Variants in TMEM63C observed in about 807,000 individuals in gnomAD.
TMEM63C encodes osmosensitive cation channel TMEM63C.
Under a neutral mutation model 99.2 loss-of-function variants are expected in TMEM63C, and 32 were observed. The observed-to-expected ratio is 0.32, with a 90% confidence interval of 0.24 to 0.43. The LOEUF is 0.43. TMEM63C is among the 20% of genes least tolerant of loss of function. TMEM63C has a pLI of 1.00. For missense variants in TMEM63C, 826 were observed against 1,053.0 expected (o/e 0.78, Z 2.98); for synonymous variants, 376 against 397.9 (o/e 0.94, Z 0.66).
chr14:77,248,493 G>T lies in TMEM63C; in HGVS notation c.1748G>T (p.Arg583Ile). 6.3e-7 allele frequency: 1 copy of T among 1,588,296 alleles called. No individual in the cohort carries two copies. Among genetic ancestry groups the T allele is most frequent in the Non-Finnish European group, 8.6e-7 (1 of 1,167,412 alleles). The change falls in exon 19 of 24, where the codon AGA (arginine) becomes ATA (isoleucine). Residue 583 changes from arginine (R) to isoleucine (I), a missense_variant. Physicochemically the swap from Arg to Ile is moderately conservative, Grantham distance 97 (BLOSUM62 -3). Coordinates refer to ENST00000298351, the MANE Select transcript of TMEM63C (RefSeq NM_020431.4). The stretch of plus-strand genomic sequence containing the variant: ...TTCTTCTCTAGATCAGAGCCAGAGA[G>T]AGTCAACATCAGAAAGGTACAGACT... ...RLFFSRSEPERVNIRKNQAID... is the reference protein window; with the variant it reads ...RLFFSRSEPEIVNIRKNQAID...
chr14:77,218,702 G>C (rs1048358901), intron 2 of TMEM63C, 99 bp from the exon 3 acceptor site: 4 of 1,300,970 alleles, frequency 3.1e-6, no homozygotes, highest in Non-Finnish European at 4.3e-6. Context: ...GCCTGGCCGA[G>C]GCACTCGGTG....
chr14:77,203,174 T>TA lies in TMEM63C; in HGVS notation c.-76-10271dup, dbSNP rs1292778344. Among the ~76,000 whole-genome samples, 6 of 151,956 alleles carry TA rather than the reference T, an allele frequency of 3.9e-5. No individual in the cohort carries two copies. The East Asian group carries it at 5.8e-4, about 15-fold the overall frequency. On this transcript the variant is annotated intron_variant, in intron 1 of 23. Coordinates refer to ENST00000298351, the MANE Select transcript of TMEM63C (RefSeq NM_020431.4). ...GGGTGAATCACCTGAGGTCAGGAGTTAGAGACCAGCCCGGCCAACATAGTG... is the reference window on the plus strand; with the variant it reads ...GGGTGAATCACCTGAGGTCAGGAGTTAAGAGACCAGCCCGGCCAACATAGTG...
intron 1 of TMEM63C, among the ~76,000 whole-genome samples, chr14:77,212,670 G>A (rs1408619089): frequency 6.6e-6 from 1 of 152,234 alleles, no homozygotes; most frequent in African/African-American, 2.4e-5. Flanking sequence ...CATGGCAACA[G>A]CCTCCCTCAT....
chr14:77,199,118 C>A (rs748384924), intron 1 of TMEM63C, among the ~76,000 whole-genome samples: 1 of 152,070 alleles, frequency 6.6e-6, no homozygotes, highest in Non-Finnish European at 1.5e-5. Flanking sequence ...ATCAGGGGTG[C>A]CGGAGGAGCT....
chr14:77,200,742 C>G (rs1392351500), intron 1 of TMEM63C, among the ~76,000 whole-genome samples: 7 of 152,210 alleles, frequency 4.6e-5, no homozygotes, highest in Non-Finnish European at 1.0e-4. Flanking sequence ...TTTATGCATG[C>G]CCAGGTCTCC....
intron 1 of TMEM63C, among the ~76,000 whole-genome samples, chr14:77,202,860 CACACACGCACACACA>C (rs1213900411): frequency 1.8e-4 from 14 of 79,000 alleles, no homozygotes; most frequent in East Asian, 1.1e-3. Context: ...CACACACACA[CACACACGCACACACA>C]CCCCTCTACC....
At chr14:77,255,216 T>G (rs1364017529) in intron 23 of TMEM63C, among the ~76,000 whole-genome samples, 1 of 152,190 alleles carries the variant, frequency 6.6e-6, no homozygotes, top group African/African-American at 2.4e-5. Context: ...GTCTCGAACT[T>G]CTGACCTCAG....
chr14:77,182,227 G>A (rs971999615), intron 1 of TMEM63C, among the ~76,000 whole-genome samples: 5 of 152,118 alleles, frequency 3.3e-5, no homozygotes, highest in Non-Finnish European at 7.4e-5. Flanking sequence ...TGACAGCCAG[G>A]TGGGAGTTAC....
chr14:77,219,760 G>T (rs1264297613), intron 4 of TMEM63C, among the ~76,000 whole-genome samples, 183 bp downstream of exon 4: 2 of 152,208 alleles, frequency 1.3e-5, no homozygotes, highest in Non-Finnish European at 2.9e-5. Context: ...TGGGCACAAG[G>T]CCGTGTTTTT....
At chr14:77,229,632 A>AT (rs59641845) in intron 6 of TMEM63C, among the ~76,000 whole-genome samples, 3 of 144,164 alleles carry the variant, frequency 2.1e-5, no homozygotes, top group East Asian at 4.4e-4. Flanking sequence ...ATATATATAT[A>AT]GTAGAGATGG....
At position 77,237,517 on chromosome 14, in the gene TMEM63C, CA is replaced by C. The variant is rs573098806; in HGVS notation, c.651+786del. ...TTACCCCTGTGGGCAAGTGGAGCTT[CA>C]TGACCAGGGAACTCTGGGAGCTGGT... On this transcript the variant is annotated intron_variant, in intron 9 of 23. Transcript: ENST00000298351. Among the ~76,000 whole-genome samples the C allele has an allele frequency of 7.9e-5, 12 of 152,332 alleles. 1 individual carries two copies. The highest frequency in any genetic ancestry group is 2.6e-4 in the African/African-American group (11 of 41,580).
chr14:77,225,329 G>T lies in TMEM63C; in HGVS notation c.313-95G>T, dbSNP rs113553327. ...GGAAGGAGGCCCCGGACGCTGCCGC[G>T]GCTGCCTCAGATGACCTGGCCGCCT... On this transcript the variant is annotated intron_variant, in intron 5 of 23. Coordinates refer to ENST00000298351, the MANE Select transcript of TMEM63C (RefSeq NM_020431.4). 2.6e-5 allele frequency: 31 copies of T among 1,174,238 alleles called. No homozygotes were observed. In the African/African-American group the frequency reaches 3.7e-4, roughly 14 times the overall value. The allele number at this position is 1,174,238 out of a possible 1,614,324, so 72.7% of individuals were successfully genotyped here.
rs1443743355 is a variant in TMEM63C, at chr14:77,259,351, A to G, written c.*2625A>G. On this transcript the variant is annotated 3_prime_UTR_variant, in exon 24 of 24. Coordinates refer to ENST00000298351, the MANE Select transcript of TMEM63C (RefSeq NM_020431.4). ...CCCTGGAAGCAAAGTGCCTATCAGC[A>G]GCGTTGCGTCCTCTGGGGCCCCCGG... The G allele has an allele frequency of 1.3e-5, 2 of 152,692 alleles. No homozygotes were observed. The highest frequency in any genetic ancestry group is 4.8e-5 in the African/African-American group (2 of 41,458). 9.5% of individuals were successfully genotyped at this position (152,692 alleles called of 1,614,324 possible). A position where few individuals can be genotyped will look rare whatever the true frequency, so the allele number is the denominator to read the frequency against.
In TMEM63C at chr14:77,238,758, A is replaced by T; in HGVS notation, c.716A>T (p.Lys239Met). ...ATTGAAGACCCAGAACTCATCATTA[A>T]GCATTTTCAGTAAGTGGGTTGGGGT... ...KDIEDPELII[K>M]HFHEAYPGSV... The change falls in exon 10 of 24, where the codon AAG becomes ATG. Residue 239 changes from lysine to methionine, a missense_variant. Transcript: ENST00000298351. The T allele has an allele frequency of 6.2e-7, 1 of 1,613,796 alleles. No homozygotes were observed. The highest frequency in any genetic ancestry group is 8.5e-7 in the Non-Finnish European group (1 of 1,179,676).
At chr14:77,185,419 C>T (rs566141128) in intron 1 of TMEM63C, among the ~76,000 whole-genome samples, 138 of 152,340 alleles carry the variant, frequency 9.1e-4, no homozygotes, top group African/African-American at 3.0e-3. Context: ...GAAGCCTTCT[C>T]CTCACTCTGG....
In TMEM63C at chr14:77,236,367, A is replaced by C. The variant is rs1889058938; in HGVS notation, c.543-257A>C. Reference sequence around the variant, plus strand: ...GGGCAGACTGTGGTGGGTGGGGGGTATGGGCAGACTGGTGGGGGGGTATGG... The same window carrying C: ...GGGCAGACTGTGGTGGGTGGGGGGTCTGGGCAGACTGGTGGGGGGGTATGG... On this transcript the variant is annotated intron_variant, in intron 8 of 23. Transcript: ENST00000298351. Among the ~76,000 whole-genome samples, 2 of 6,744 alleles carry C rather than the reference A, an allele frequency of 3.0e-4. 1 individual carries two copies. The highest frequency in any genetic ancestry group is 5.0e-3 in the Admixed American group (2 of 402). The allele number at this position is 6,744 out of a possible 152,430, so 4.4% of individuals were successfully genotyped here. A position where few individuals can be genotyped will look rare whatever the true frequency, so the allele number is the denominator to read the frequency against.
chr14:77,232,408 C>T (rs892561240), intron 7 of TMEM63C, among the ~76,000 whole-genome samples: 14 of 152,130 alleles, frequency 9.2e-5, no homozygotes, highest in African/African-American at 3.1e-4. Context: ...CTGCCTCAGC[C>T]TCCTGAGTAG....
Position 77,218,259 on chromosome 14 carries a change from G to A in TMEM63C, c.-13-542G>A, listed in dbSNP as rs1480632614. On this transcript the variant is annotated intron_variant, in intron 2 of 23. Transcript: ENST00000298351. The stretch of plus-strand genomic sequence containing the variant: ...AAAAAAAGAGGGGGGTGTTTCTTGA[G>A]TCACTGCACATGCCAGGCACTGCAT... 3.4e-5 allele frequency among the ~76,000 whole-genome samples: 5 copies of A among 147,624 alleles called. 1 individual carries two copies. In the South Asian group the frequency reaches 1.1e-3, roughly 31 times the overall value.
chr14:77,230,242 A>G (rs1888913278), intron 6 of TMEM63C, among the ~76,000 whole-genome samples: 1 of 151,950 alleles, frequency 6.6e-6, no homozygotes, highest in South Asian at 2.1e-4. Flanking sequence ...CACAAAGCTA[A>G]GGCTGTGCCA....
Sources: gnomAD v4.1 joint callset for allele counts (sites outside exome capture counted in the v4.1 genomes callset) on GRCh38, gnomAD v4.1.1 for gene constraint, MANE v1.5 for transcripts, NCBI Gene and HGNC (gene_info 2026-07-23, HGNC 2026-07-21) for gene names.